Variants in PRR23C observed in about 807,000 individuals in gnomAD.
PRR23C encodes the protein proline-rich protein 23C.
A neutral mutation model predicts 0.1 loss-of-function variants in PRR23C; 1 was observed. The observed-to-expected ratio is 6.80, with a 90% CI of 2.41 to 32.24. The LOEUF is 32.24. Ranked by LOEUF, PRR23C falls within the 30% of genes most tolerant of loss-of-function variation. PRR23C has a pLI of 0.11. For missense variants in PRR23C, 361 were observed against 370.4 expected (o/e 0.97, Z 0.21); for synonymous variants, 172 against 168.1 (o/e 1.02, Z -0.18).
Position 139,044,112 on chromosome 3 carries a change from G to A in PRR23C, c.509C>T (p.Ser170Phe). 6.2e-7 allele frequency: 1 copy of A among 1,613,218 alleles called. No homozygotes were observed. Among genetic ancestry groups the A allele is most frequent in the Middle Eastern group, 1.6e-4 (1 of 6,062 alleles). The stretch of plus-strand genomic sequence containing the variant: ...GAGCCCAGCGGCTGAGCCGGCTGCG[G>A]AGTCCATCCAGAGCTCCGGGAACTC... ...DSEFPELWMD[S>F]AAGSAAGLYP... Residue 170 changes from serine to phenylalanine, a missense_variant, in exon 1 of 1, where the codon TCC becomes TTC. Transcript: ENST00000413199. This position sits in a 1 kb window ranked among gnomAD's most constrained non-coding sequence, Gnocchi z 7.5.
In PRR23C at chr3:139,042,481, T is replaced by G. The variant is rs966417711; in HGVS notation, c.*1351A>C. On this transcript the variant is annotated 3_prime_UTR_variant, in exon 1 of 1. Transcript: ENST00000413199. The stretch of plus-strand genomic sequence containing the variant: ...TAGATTAAGGGTTATCTAACAACCA[T>G]GTAAAGATCATACTTTATGGTAAAA... 6.6e-6 allele frequency: 1 copy of G among 152,176 alleles called. No individual in the cohort carries two copies. Among genetic ancestry groups the G allele is most frequent in the East Asian group, 1.9e-4 (1 of 5,204 alleles). 9.4% of individuals were successfully genotyped at this position (152,176 alleles called of 1,614,324 possible).
chr3:139,043,714 G>C lies in PRR23C; in HGVS notation c.*118C>G. 1.1e-6 allele frequency: 1 copy of C among 937,840 alleles called. No individual in the cohort carries two copies. The highest frequency in any genetic ancestry group is 1.5e-6 in the Non-Finnish European group (1 of 648,390). 58.1% of individuals were successfully genotyped at this position (937,840 alleles called of 1,614,324 possible). ...CTGCAACGCAGCCTGTATCAAAAAA[G>C]CATCTATCCGTTATCCACTCTCCGA... On this transcript the variant is annotated 3_prime_UTR_variant, in exon 1 of 1. Coordinates refer to ENST00000413199, the MANE Select transcript of PRR23C (RefSeq NM_001134657.1).
chr3:139,044,788 CTGCT>C lies in PRR23C; in HGVS notation c.-172_-169del, dbSNP rs1559943736. On this transcript the variant is annotated 5_prime_UTR_variant, in exon 1 of 1. Transcript: ENST00000413199. The surrounding 1 kb of genome is among the most constrained non-coding windows in gnomAD (Gnocchi z 7.5). Reference sequence around the variant, plus strand: ...CGCCTCCCGGAGATCGGAGTCGGTGCTGCTGCTGGGGGAACCTCGCACGCTGTGT... The same window carrying C: ...CGCCTCCCGGAGATCGGAGTCGGTGCGCTGGGGGAACCTCGCACGCTGTGT... The C allele has an allele frequency of 4.0e-4, 1 of 2,494 alleles. No homozygotes were observed. Among genetic ancestry groups the C allele is most frequent in the Non-Finnish European group, 3.8e-3 (1 of 262 alleles). The allele number at this position is 2,494 out of a possible 1,614,324, so 0.2% of individuals were successfully genotyped here.
chr3:139,044,576 C>G lies in PRR23C; in HGVS notation c.45G>C (p.Trp15Cys). 1 of 1,538,874 alleles carries G rather than the reference C, an allele frequency of 6.5e-7. No individual in the cohort carries two copies. Among genetic ancestry groups the G allele is most frequent in the Non-Finnish European group, 8.7e-7 (1 of 1,145,536 alleles). The change falls in exon 1 of 1, where the codon TGG (tryptophan) becomes TGC (cysteine). Residue 15 changes from tryptophan (W) to cysteine (C), a missense_variant. Coordinates refer to ENST00000413199, the MANE Select transcript of PRR23C (RefSeq NM_001134657.1). This position sits in a 1 kb window ranked among gnomAD's most constrained non-coding sequence, Gnocchi z 7.5. ...PCSPSACLAPWWGQQPGGPGP... is the reference protein window; with the variant it reads ...PCSPSACLAPCWGQQPGGPGP... The stretch of plus-strand genomic sequence containing the variant: ...CTGGTCCTCCTGGCTGCTGTCCCCA[C>G]CAGGGCGCAAGGCAGGCGCTGGGGC...
rs1937179634 is a variant in PRR23C at position 139,044,425 on chromosome 3, C to G, written c.196G>C (p.Gly66Arg). Reference sequence around the variant, plus strand: ...TCCAGGGGCACACGCAGGGCACAGCCCGCGTCCAGGACCACCATGGAGGTG... The same window carrying G: ...TCCAGGGGCACACGCAGGGCACAGCGCGCGTCCAGGACCACCATGGAGGTG... ...ALTSMVVLDA[G>R]CALRVPLEDV... Residue 66 changes from glycine (G) to arginine (R), a missense_variant, in exon 1 of 1, where the codon GGC (glycine) becomes CGC (arginine). Physicochemically the swap from Gly to Arg is moderately radical, Grantham distance 125 (BLOSUM62 -2). Coordinates refer to ENST00000413199, the MANE Select transcript of PRR23C (RefSeq NM_001134657.1). The surrounding 1 kb of genome is among the most constrained non-coding windows in gnomAD (Gnocchi z 7.5). 6.4e-7 allele frequency: 1 copy of G among 1,558,990 alleles called. No individual in the cohort carries two copies. Among genetic ancestry groups the G allele is most frequent in the African/African-American group, 1.4e-5 (1 of 73,394 alleles).
Position 139,044,796 on chromosome 3 carries a change from G to A in PRR23C, c.-176C>T. On this transcript the variant is annotated 5_prime_UTR_variant, in exon 1 of 1. Transcript: ENST00000413199. The surrounding 1 kb of genome is among the most constrained non-coding windows in gnomAD (Gnocchi z 7.5). ...GGAGATCGGAGTCGGTGCTGCTGCT[G>A]GGGGAACCTCGCACGCTGTGTGGCT... The A allele has an allele frequency of 1.5e-6, 1 of 674,236 alleles. No individual in the cohort carries two copies. Among genetic ancestry groups the A allele is most frequent in the Non-Finnish European group, 2.4e-6 (1 of 421,706 alleles). 41.8% of individuals were successfully genotyped at this position (674,236 alleles called of 1,614,324 possible). A position where few individuals can be genotyped will look rare whatever the true frequency, so the allele number is the denominator to read the frequency against.
Position 139,042,648 on chromosome 3 carries a change from TTATTTGGAGA to T in PRR23C, c.*1174_*1183del, listed in dbSNP as rs1312951552. ...CTTGTCAAAAAAGACAATATTCTCATTATTTGGAGATATTGTTTTTATCAATCAATCAATC... is the reference window on the plus strand; with the variant it reads ...CTTGTCAAAAAAGACAATATTCTCATTATTGTTTTTATCAATCAATCAATC... On this transcript the variant is annotated 3_prime_UTR_variant, in exon 1 of 1. Coordinates refer to ENST00000413199, the MANE Select transcript of PRR23C (RefSeq NM_001134657.1). The T allele has an allele frequency of 6.6e-6, 1 of 152,222 alleles. No homozygotes were observed. Among genetic ancestry groups the T allele is most frequent in the African/African-American group, 2.4e-5 (1 of 41,456 alleles). The allele number at this position is 152,222 out of a possible 1,614,324, so 9.4% of individuals were successfully genotyped here.
Position 139,044,728 on chromosome 3 carries a change from G to T in PRR23C, c.-108C>A. On this transcript the variant is annotated 5_prime_UTR_variant, in exon 1 of 1. Coordinates refer to ENST00000413199, the MANE Select transcript of PRR23C (RefSeq NM_001134657.1). The surrounding 1 kb of genome is among the most constrained non-coding windows in gnomAD (Gnocchi z 7.5). The stretch of plus-strand genomic sequence containing the variant: ...TGAGGTAACAGGTGTCGGCAGGACC[G>T]CGCGACGCGGGGCGAGTCCTCGGAG... 2 of 1,263,890 alleles carry T rather than the reference G, an allele frequency of 1.6e-6. No individual in the cohort carries two copies. The highest frequency in any genetic ancestry group is 2.1e-6 in the Non-Finnish European group (2 of 955,968). The allele number at this position is 1,263,890 out of a possible 1,614,324, so 78.3% of individuals were successfully genotyped here.
rs763015261 is a variant in PRR23C, at chr3:139,044,162, C to T, written c.459G>A (p.Glu153=). 1 of 1,613,250 alleles carries T rather than the reference C, an allele frequency of 6.2e-7. No individual in the cohort carries two copies. The highest frequency in any genetic ancestry group is 1.3e-5 in the African/African-American group (1 of 74,924). The change falls in exon 1 of 1, where the codon GAG becomes GAA. Residue 153 remains glutamate (E), a synonymous_variant. Transcript: ENST00000413199. The surrounding 1 kb of genome is among the most constrained non-coding windows in gnomAD (Gnocchi z 7.5). ...CAGAGTCCGCGTCCTCCTCGTAGGC[C>T]TCTTCCTCGGCAGCGATCTCTGGGA... is the stretch of plus-strand genomic sequence containing the variant. ...ASVPEIAAEE[E]AYEEDADSEF...
In PRR23C at chr3:139,044,792, TGCTGG is replaced by T. The variant is rs1937186241; in HGVS notation, c.-177_-173del. The stretch of plus-strand genomic sequence containing the variant: ...TCCCGGAGATCGGAGTCGGTGCTGC[TGCTGG>T]GGGAACCTCGCACGCTGTGTGGCTC... On this transcript the variant is annotated 5_prime_UTR_variant, in exon 1 of 1. Coordinates refer to ENST00000413199, the MANE Select transcript of PRR23C (RefSeq NM_001134657.1). This position sits in a 1 kb window ranked among gnomAD's most constrained non-coding sequence, Gnocchi z 7.5. 2.9e-6 allele frequency: 2 copies of T among 700,984 alleles called. No individual in the cohort carries two copies. Among genetic ancestry groups the T allele is most frequent in the Non-Finnish European group, 4.5e-6 (2 of 447,066 alleles). 43.4% of individuals were successfully genotyped at this position (700,984 alleles called of 1,614,324 possible).
Position 139,043,940 on chromosome 3 carries a change from G to A in PRR23C, c.681C>T (p.Ser227=). 1 of 1,605,476 alleles carries A rather than the reference G, an allele frequency of 6.2e-7. No individual in the cohort carries two copies. The highest frequency in any genetic ancestry group is 1.3e-5 in the African/African-American group (1 of 74,830). The change falls in exon 1 of 1, where the codon AGC becomes AGT. Residue 227 remains serine (S), a synonymous_variant. Transcript: ENST00000413199. ...AGGGAGGTAGAGGTTGGAGAGGTGA[G>A]CTGGGGACAGGCTCCAGAAGATGGA... ...LEFHLLEPVP[S]SPLQPLPPSP...
chr3:139,044,779 G>A lies in PRR23C; in HGVS notation c.-159C>T. ...CTCTGGGGGCGCCTCCCGGAGATCG[G>A]AGTCGGTGCTGCTGCTGGGGGAACC... On this transcript the variant is annotated 5_prime_UTR_variant, in exon 1 of 1. Transcript: ENST00000413199. The surrounding 1 kb of genome is among the most constrained non-coding windows in gnomAD (Gnocchi z 7.5). The A allele has an allele frequency of 1.5e-6, 1 of 679,276 alleles. No homozygotes were observed. Among genetic ancestry groups the A allele is most frequent in the South Asian group, 2.3e-5 (1 of 42,962 alleles). 42.1% of individuals were successfully genotyped at this position (679,276 alleles called of 1,614,324 possible).
Position 139,043,767 on chromosome 3 carries a change from A to G in PRR23C, c.*65T>C. ...TCCTTGTAGGTTGCGCAACATACAC[A>G]CAACGGCTATCAGGAGACGGTCTCC... On this transcript the variant is annotated 3_prime_UTR_variant, in exon 1 of 1. Coordinates refer to ENST00000413199, the MANE Select transcript of PRR23C (RefSeq NM_001134657.1). 2.1e-6 allele frequency: 3 copies of G among 1,401,116 alleles called. No individual in the cohort carries two copies. Among genetic ancestry groups the G allele is most frequent in the Non-Finnish European group, 2.9e-6 (3 of 1,050,240 alleles). 86.8% of individuals were successfully genotyped at this position (1,401,116 alleles called of 1,614,324 possible).
chr3:139,044,504 G>A lies in PRR23C; in HGVS notation c.117C>T (p.Ser39=), dbSNP rs1391815284. The change falls in exon 1 of 1, where the codon TCC becomes TCT. Residue 39 remains serine (S), a synonymous_variant. Transcript: ENST00000413199. This position sits in a 1 kb window ranked among gnomAD's most constrained non-coding sequence, Gnocchi z 7.5. ...GGTCTTCCGGGCTGGGCGCCGCTCG[G>A]GATTCGGGGCCCGCGGGCTCCTCCA... The part of the protein sequence containing the change: ...SRLEEPAGPE[S]RAAPSPEDPA... 6.5e-7 allele frequency: 1 copy of A among 1,544,164 alleles called. No individual in the cohort carries two copies.
rs1192400574 is a variant in PRR23C at position 139,042,579 on chromosome 3, TA to T, written c.*1252del. The T allele has an allele frequency of 6.6e-6, 1 of 152,184 alleles. No individual in the cohort carries two copies. Among genetic ancestry groups the T allele is most frequent in the Non-Finnish European group, 1.5e-5 (1 of 68,034 alleles). 9.4% of individuals were successfully genotyped at this position (152,184 alleles called of 1,614,324 possible). On this transcript the variant is annotated 3_prime_UTR_variant, in exon 1 of 1. Transcript: ENST00000413199. Reference sequence around the variant, plus strand: ...CATACTGTTCAATCTGGACTTGAAGTAATGTCCAATATAAAAGATTAAAGAA... The same window carrying T: ...CATACTGTTCAATCTGGACTTGAAGTATGTCCAATATAAAAGATTAAAGAA...
At position 139,042,614 on chromosome 3, in the gene PRR23C, T is replaced by A. The variant is rs921229607; in HGVS notation, c.*1218A>T. The A allele has an allele frequency of 6.6e-6, 1 of 152,202 alleles. No individual in the cohort carries two copies. The highest frequency in any genetic ancestry group is 2.4e-5 in the African/African-American group (1 of 41,462). The allele number at this position is 152,202 out of a possible 1,614,324, so 9.4% of individuals were successfully genotyped here. A position where few individuals can be genotyped will look rare whatever the true frequency, so the allele number is the denominator to read the frequency against. On this transcript the variant is annotated 3_prime_UTR_variant, in exon 1 of 1. Coordinates refer to ENST00000413199, the MANE Select transcript of PRR23C (RefSeq NM_001134657.1). The stretch of plus-strand genomic sequence containing the variant: ...TATAAAAGATTAAAGAAAAATAAGA[T>A]GTATGAAGCTTGTCAAAAAAGACAA...
Position 139,044,319 on chromosome 3 carries a change from G to A in PRR23C, c.302C>T (p.Pro101Leu), listed in dbSNP as rs1211146603. Residue 101 changes from proline to leucine, a missense_variant, in exon 1 of 1, where the codon CCC (proline) becomes CTC (leucine). Coordinates refer to ENST00000413199, the MANE Select transcript of PRR23C (RefSeq NM_001134657.1). This position sits in a 1 kb window ranked among gnomAD's most constrained non-coding sequence, Gnocchi z 7.5. ...SLGGHTLIVI[P>L]EVLLSSVDEC... is the part of the protein sequence containing the mutation. ...GTCGACGGAGCTCAGGAGGACCTCG[G>A]GGATCACGATGAGGGTGTGTCCACC... 6.2e-7 allele frequency: 1 copy of A among 1,610,272 alleles called. No homozygotes were observed. The highest frequency in any genetic ancestry group is 8.5e-7 in the Non-Finnish European group (1 of 1,178,412).
In PRR23C at chr3:139,044,045, G is replaced by T. The variant is rs777049426; in HGVS notation, c.576C>A (p.Gly192=). The T allele has an allele frequency of 1.9e-5, 31 of 1,613,528 alleles. No homozygotes were observed. The South Asian group carries it at 3.0e-4, about 15-fold the overall frequency. ...ARSMFSPYRE[G]PIRGPCALAP... ...CCAGAGCACAGGGCCCTCGGATGGG[G>T]CCCTCCCGGTAGGGGCTGAACATAC... The change falls in exon 1 of 1, where the codon GGC becomes GGA. Residue 192 remains glycine, a synonymous_variant. Transcript: ENST00000413199. The surrounding 1 kb of genome is among the most constrained non-coding windows in gnomAD (Gnocchi z 7.5).
At position 139,043,828 on chromosome 3, in the gene PRR23C, C is replaced by A. The variant is rs1276364125; in HGVS notation, c.*4G>T. 2.0e-6 allele frequency: 3 copies of A among 1,523,298 alleles called. No individual in the cohort carries two copies. The highest frequency in any genetic ancestry group is 8.8e-7 in the Non-Finnish European group (1 of 1,135,422). 94.4% of individuals were successfully genotyped at this position (1,523,298 alleles called of 1,614,324 possible). A position where few individuals can be genotyped will look rare whatever the true frequency, so the allele number is the denominator to read the frequency against. ...CAGGGTGGCAAGGGATTGTGGGAGG[C>A]AACTCATTCCTGGAACAGGCGTCTT... On this transcript the variant is annotated 3_prime_UTR_variant, in exon 1 of 1. Transcript: ENST00000413199.
Sources: allele counts gnomAD v4.1 joint callset, GRCh38; gene constraint gnomAD v4.1.1; non-coding constraint Gnocchi (gnomAD v3.1); transcripts MANE v1.5; gene names NCBI Gene and HGNC (gene_info 2026-07-23, HGNC 2026-07-21).